The following ZNF280D variants were observed in gnomAD, a reference collection of about 807,000 sequenced individuals.
ZNF280D encodes zinc finger protein 280D, also known as suppressor of hairy wing homolog 4.
ZNF280D carries 39 observed loss-of-function variants against 94.7 expected under a neutral mutation model. The ratio of observed to expected loss-of-function variants is 0.41; its 90% CI spans 0.32 to 0.54. The LOEUF (loss-of-function observed/expected upper bound fraction) is 0.54, where lower values mean the gene tolerates loss of function less well. ZNF280D is among the 20% of genes least tolerant of loss of function. The pLI is 0.22. For missense variants in ZNF280D, 1,090 were observed against 1,149.3 expected (o/e 0.95, Z 0.75); for synonymous variants, 398 against 377.6 (o/e 1.05, Z -0.63).
At chr15:56,649,473 T>G (rs997263409) in intron 19 of ZNF280D, among the ~76,000 whole-genome samples, 2 of 152,152 alleles carry the variant, frequency 1.3e-5, no homozygotes, top group Non-Finnish European at 2.9e-5. Flanking sequence ...GGAAGAACTA[T>G]TTTACAGTTC....
intron 17 of ZNF280D, 62 bp downstream of exon 17, chr15:56,658,361 TA>T (rs1173219829): frequency 9.4e-5 from 118 of 1,254,778 alleles, no homozygotes; most frequent in Admixed American, 1.5e-4. Context: ...GCTGTTGTGT[TA>T]AAAAAAATTT....
In ZNF280D at chr15:56,707,294, T is replaced by C. The variant is rs1179981540; in HGVS notation, c.-73A>G. ...ACTCCAGACAAGCCAGCAAGTTATT[T>C]CTGTTTTCCTTCCTATAAAATAAAG... is the stretch of plus-strand genomic sequence containing the variant. On this transcript the variant is annotated 5_prime_UTR_variant, in exon 2 of 22. Transcript: ENST00000267807. The C allele has an allele frequency of 6.5e-7, 1 of 1,532,016 alleles. No individual in the cohort carries two copies. The highest frequency in any genetic ancestry group is 8.7e-7 in the Non-Finnish European group (1 of 1,143,202). 94.9% of individuals were successfully genotyped at this position (1,532,016 alleles called of 1,614,324 possible).
chr15:56,718,581 G>C (rs2058170696), intron 1 of ZNF280D, among the ~76,000 whole-genome samples: 1 of 152,182 alleles, frequency 6.6e-6, no homozygotes, highest in South Asian at 2.1e-4. Flanking sequence ...AATCAGTACA[G>C]TTATTAAAAG....
intron 4 of ZNF280D, among the ~76,000 whole-genome samples, chr15:56,703,169 T>C (rs1394890097): frequency 1.3e-5 from 2 of 152,192 alleles, no homozygotes; most frequent in Non-Finnish European, 2.9e-5. Flanking sequence ...CCCAATTCTC[T>C]AATTCAAAGC....
At chr15:56,722,506 C>T (rs1023163617) in intron 1 of ZNF280D, among the ~76,000 whole-genome samples, 2 of 152,176 alleles carry the variant, frequency 1.3e-5, no homozygotes, top group Non-Finnish European at 2.9e-5. Context: ...AAAGCAGGAA[C>T]AACCCAAATG....
rs894753722 is a variant in ZNF280D at position 56,652,567 on chromosome 15, T to C, written c.2213+1631A>G. The stretch of plus-strand genomic sequence containing the variant: ...ATTCAATGTAACTAAAATAAACACA[T>C]GACAAATTTAAAATATATAAAGGAA... On this transcript the variant is annotated intron_variant, in intron 19 of 21. Coordinates refer to ENST00000267807, the MANE Select transcript of ZNF280D (RefSeq NM_017661.4). 2.7e-5 allele frequency: 24 copies of C among 896,180 alleles called. No homozygotes were observed. The African/African-American group carries it at 4.3e-4, about 16-fold the overall frequency. 55.5% of individuals were successfully genotyped at this position (896,180 alleles called of 1,614,324 possible). A position where few individuals can be genotyped will look rare whatever the true frequency, so the allele number is the denominator to read the frequency against.
chr15:56,670,745 G>A (rs1357552245), intron 13 of ZNF280D, among the ~76,000 whole-genome samples: 1 of 151,870 alleles, frequency 6.6e-6, no homozygotes, highest in Non-Finnish European at 1.5e-5. Flanking sequence ...CTGTCTCTAG[G>A]TCTTCAAGGA....
At chr15:56,699,546 T>A in intron 6 of ZNF280D, 1 of 843,518 alleles carries the variant, frequency 1.2e-6, no homozygotes, top group Non-Finnish European at 1.4e-6. Flanking sequence ...GACTCTTTTT[T>A]CCCTTCCTGA....
chr15:56,677,770 G>A, intron 11 of ZNF280D, 96 bp from the exon 12 acceptor site: 1 of 403,672 alleles, frequency 2.5e-6, no homozygotes, highest in East Asian at 5.7e-5. Context: ...AGTAGCAGTA[G>A]GGACAGTTGT....
chr15:56,664,962 T>C (rs12898673), intron 16 of ZNF280D, among the ~76,000 whole-genome samples: 150,651 of 152,260 alleles, frequency 0.99, 74,556 homozygotes, highest in Middle Eastern at 1. Context: ...GAGTCAAAGC[T>C]CTGAACATCA....
At chr15:56,644,421 T>C (rs2052780463) in intron 19 of ZNF280D, among the ~76,000 whole-genome samples, 1 of 152,028 alleles carries the variant, frequency 6.6e-6, no homozygotes, top group Non-Finnish European at 1.5e-5. Context: ...CATGAAACAT[T>C]AGTCTAAAAA....
chr15:56,726,929 C>T (rs1341279656), intron 1 of ZNF280D, among the ~76,000 whole-genome samples: 1 of 151,992 alleles, frequency 6.6e-6, no homozygotes, highest in Non-Finnish European at 1.5e-5. Flanking sequence ...TTGACATGCA[C>T]AGGAGTTCAC....
In ZNF280D at chr15:56,726,891, GAGA is replaced by G. The variant is rs567151308; in HGVS notation, c.-86+6564_-86+6566del. On this transcript the variant is annotated intron_variant, in intron 1 of 21. Transcript: ENST00000267807. The stretch of plus-strand genomic sequence containing the variant: ...AAACTATGAAAAGACAGATTCACAA[GAGA>G]AGAAGCATACAATTTTTATTAATAT... Among the ~76,000 whole-genome samples, 9 of 152,258 alleles carry G rather than the reference GAGA, an allele frequency of 5.9e-5. No homozygotes were observed. In the East Asian group the frequency reaches 1.5e-3, roughly 26 times the overall value.
rs199895235 is a variant in ZNF280D, at chr15:56,631,998, G to C, written c.2440C>G (p.Leu814Val). ...TVSDKENETC[L>V]ADQETGSKNI... ...TTTGAGCCAGTTTCCTGGTCTGCAA[G>C]ACAGGTTTCATTTTCCTTATCTGAA... is the stretch of plus-strand genomic sequence containing the variant. Residue 814 changes from leucine to valine, a missense_variant, in exon 22 of 22, where the codon CTT becomes GTT. Physicochemically the swap from Leu to Val is conservative, Grantham distance 32. This residue lies in a region of ZNF280D where 577 missense variants were observed against 568.8 expected (regional missense o/e 1.01). Coordinates refer to ENST00000267807, the MANE Select transcript of ZNF280D (RefSeq NM_017661.4). The C allele has an allele frequency of 4.3e-6, 7 of 1,613,860 alleles. No individual in the cohort carries two copies. Among genetic ancestry groups the C allele is most frequent in the Non-Finnish European group, 5.1e-6 (6 of 1,180,006 alleles).
At chr15:56,688,897 T>C in intron 9 of ZNF280D, 144 bp downstream of exon 9, 1 of 510,648 alleles carries the variant, frequency 2.0e-6, no homozygotes, top group South Asian at 4.4e-5. Context: ...AGAATCTATA[T>C]AATCATTATG....
At chr15:56,665,703 C>CAAAAAAAAAAAA (rs71113013) in intron 16 of ZNF280D, among the ~76,000 whole-genome samples, 10 of 86,430 alleles carry the variant, frequency 1.2e-4, no homozygotes, top group Non-Finnish European at 1.9e-4. Flanking sequence ...GACTCCGTCT[C>CAAAAAAAAAAAA]AAAAAAAAAA....
chr15:56,707,919 T>C (rs1372783885), intron 1 of ZNF280D, among the ~76,000 whole-genome samples: 1 of 151,902 alleles, frequency 6.6e-6, no homozygotes, highest in African/African-American at 2.4e-5. Flanking sequence ...TTTATTTGGC[T>C]TTAAAAATGC....
Position 56,689,066 on chromosome 15 carries a change from A to G in ZNF280D, c.755T>C (p.Leu252Ser). 1 of 1,606,690 alleles carries G rather than the reference A, an allele frequency of 6.2e-7. No homozygotes were observed. Among genetic ancestry groups the G allele is most frequent in the Non-Finnish European group, 8.5e-7 (1 of 1,177,390 alleles). The change falls in exon 9 of 22, where the codon TTG (leucine) becomes TCG (serine). Residue 252 changes from leucine (L) to serine (S), a missense_variant. Physicochemically the swap from Leu to Ser is moderately radical, Grantham distance 145. Coordinates refer to ENST00000267807, the MANE Select transcript of ZNF280D (RefSeq NM_017661.4). The stretch of plus-strand genomic sequence containing the variant: ...CTTCATGTGATTTTTCAAAGGATCC[A>G]AAAGATTGAAATGAATGTTGCACTT... ...CPKCNIHFNL[L>S]DPLKNHMKYC...
At chr15:56,721,341 T>C (rs1481885086) in intron 1 of ZNF280D, among the ~76,000 whole-genome samples, 3 of 152,168 alleles carry the variant, frequency 2.0e-5, no homozygotes, top group Non-Finnish European at 2.9e-5. Context: ...AACTTAAAAG[T>C]CACCAGCTTC....
Sources: gnomAD v4.1 joint callset for allele counts (sites outside exome capture counted in the v4.1 genomes callset) on GRCh38, gnomAD v4.1.1 for gene constraint, gnomAD v4.1.1 regional missense constraint, MANE v1.5 for transcripts, NCBI Gene and HGNC (gene_info 2026-07-23, HGNC 2026-07-21) for gene names.